Variants in MAN2A1 observed in about 807,000 individuals in gnomAD.
MAN2A1 encodes the protein alpha-mannosidase 2.
Under a neutral mutation model 142.6 loss-of-function variants are expected in MAN2A1, and 76 were observed. That is an observed-to-expected ratio of 0.53 (90% confidence interval 0.44 to 0.65). The LOEUF (loss-of-function observed/expected upper bound fraction) is 0.65, where lower values mean the gene tolerates loss of function less well. Ranked by LOEUF, MAN2A1 falls within the 30% of genes least tolerant of loss-of-function variation. The pLI is 0.00. For synonymous variants in MAN2A1, 559 were observed against 473.2 expected, an observed-to-expected ratio of 1.18 and a Z score of -2.35; for missense variants, 1,311 against 1,365.1, an observed-to-expected ratio of 0.96 and a Z score of 0.62.
chr5:109,865,956 C>T (rs1385500808), intron 21 of MAN2A1, among the ~76,000 whole-genome samples: 1 of 152,142 alleles, frequency 6.6e-6, no homozygotes, highest in African/African-American at 2.4e-5. Context: ...AGCTTTCCTC[C>T]AAAACCTCAT....
At chr5:109,713,467 C>T (rs1382729160) in intron 1 of MAN2A1, 53 bp from the exon 2 acceptor site, 2 of 1,473,626 alleles carry the variant, frequency 1.4e-6, no homozygotes, top group Non-Finnish European at 9.1e-7. Flanking sequence ...GTGTATGCCT[C>T]AGCAGATCTA....
chr5:109,783,946 G>A (rs948798665), intron 9 of MAN2A1, among the ~76,000 whole-genome samples: 8 of 151,858 alleles, frequency 5.3e-5, no homozygotes, highest in Admixed American at 3.9e-4. Flanking sequence ...GTTCACTGCG[G>A]CCTCAAACTC....
At position 109,867,042 on chromosome 5, in the gene MAN2A1, C is replaced by G; in HGVS notation, c.*44C>G. ...GATTGAGAATCATTGGCTTTTATAC[C>G]TTTCTTGGTTTGACGTGCAATAAAG... is the stretch of plus-strand genomic sequence containing the variant. On this transcript the variant is annotated 3_prime_UTR_variant, in exon 22 of 22. Coordinates refer to ENST00000261483, the MANE Select transcript of MAN2A1 (RefSeq NM_002372.4). 1 of 1,549,188 alleles carries G rather than the reference C, an allele frequency of 6.5e-7. No individual in the cohort carries two copies. The highest frequency in any genetic ancestry group is 1.2e-5 in the South Asian group (1 of 80,988).
At chr5:109,747,185 A>G (rs188628472) in intron 4 of MAN2A1, among the ~76,000 whole-genome samples, 109 of 152,260 alleles carry the variant, frequency 7.2e-4, no homozygotes, top group African/African-American at 2.6e-3. Context: ...GCTGGATCAC[A>G]TAATAATTCT....
intron 1 of MAN2A1, among the ~76,000 whole-genome samples, chr5:109,707,190 C>T (rs1009041085): frequency 2.6e-5 from 4 of 152,166 alleles, no homozygotes; most frequent in African/African-American, 9.7e-5. Flanking sequence ...CCAAACAGCC[C>T]ATGAAAACCA....
chr5:109,726,096 C>G (rs529474409), intron 3 of MAN2A1, among the ~76,000 whole-genome samples: 1 of 152,010 alleles, frequency 6.6e-6, no homozygotes, highest in East Asian at 1.9e-4. Flanking sequence ...TTCTAGCCCT[C>G]GTTCAATTTT....
chr5:109,772,310 A>G (rs1461376432), intron 7 of MAN2A1, among the ~76,000 whole-genome samples: 1 of 151,890 alleles, frequency 6.6e-6, no homozygotes, highest in Non-Finnish European at 1.5e-5. Flanking sequence ...CAGAGCTTGC[A>G]GTGAGCCGAG....
Position 109,784,913 on chromosome 5 carries a change from G to A in MAN2A1, c.1747G>A (p.Asp583Asn). Residue 583 changes from aspartate to asparagine, a missense_variant, in exon 10 of 22, where the codon GAT becomes AAT. By Grantham distance (23) the Asp-to-Asn change is conservative. Around this residue, in one of 3 missense-constraint regions of MAN2A1, gnomAD observed 890 missense variants for 920.5 expected, o/e 0.97. Transcript: ENST00000261483. ...TGTAKDWVVVDYGTRLFHSLM... is the reference protein window; with the variant it reads ...TGTAKDWVVVNYGTRLFHSLM... ...AACTGCAAAAGACTGGGTGGTTGTG[G>A]ATTATGGTACCAGGTAATCTAATTA... 6.3e-7 allele frequency: 1 copy of A among 1,592,732 alleles called. No homozygotes were observed.
intron 8 of MAN2A1, among the ~76,000 whole-genome samples, chr5:109,779,471 C>G (rs1364839396): frequency 1.3e-5 from 2 of 151,978 alleles, no homozygotes; most frequent in East Asian, 3.9e-4. Flanking sequence ...TTTATACTTT[C>G]CTGAGCTCAT....
At chr5:109,840,294 C>A in intron 16 of MAN2A1, 1 of 307,460 alleles carries the variant, frequency 3.3e-6, no homozygotes, top group South Asian at 3.4e-5. Flanking sequence ...TGTTGAATTT[C>A]CTTCACTAAT....
intron 12 of MAN2A1, among the ~76,000 whole-genome samples, chr5:109,793,276 A>C (rs1012549342): frequency 2.0e-5 from 3 of 152,152 alleles, no homozygotes; most frequent in Non-Finnish European, 2.9e-5. Context: ...TATGGCTGGC[A>C]GTTAATGCTG....
intron 20 of MAN2A1, among the ~76,000 whole-genome samples, chr5:109,859,170 G>A (rs1234600103): frequency 1.3e-5 from 2 of 152,196 alleles, no homozygotes; most frequent in African/African-American, 4.8e-5. Context: ...ATCACCCAGT[G>A]GTAAATGGCA....
intron 21 of MAN2A1, among the ~76,000 whole-genome samples, chr5:109,865,721 C>T (rs143826635): frequency 1.1e-4 from 17 of 152,296 alleles, no homozygotes; most frequent in South Asian, 4.1e-4. Context: ...GTCAACACAC[C>T]GTGCAGGCCA....
chr5:109,775,396 T>C (rs949828681), intron 8 of MAN2A1, among the ~76,000 whole-genome samples: 1 of 152,140 alleles, frequency 6.6e-6, no homozygotes, highest in Non-Finnish European at 1.5e-5. Flanking sequence ...TGCAAACAAA[T>C]GTCCTATGTC....
intron 1 of MAN2A1, among the ~76,000 whole-genome samples, chr5:109,704,795 T>C (rs1751084257): frequency 6.6e-6 from 1 of 152,224 alleles, no homozygotes; most frequent in Non-Finnish European, 1.5e-5. Flanking sequence ...TTAGCTTTAA[T>C]GCGGCGCTTC....
chr5:109,734,855 G>T (rs1452795464), intron 4 of MAN2A1, among the ~76,000 whole-genome samples: 1 of 152,186 alleles, frequency 6.6e-6, no homozygotes, highest in Non-Finnish European at 1.5e-5. Context: ...CTGTTGATTT[G>T]GGGTGGAGAG....
At position 109,713,516 on chromosome 5, in the gene MAN2A1, G is replaced by T. The variant is rs1379556582; in HGVS notation, c.136-4G>T. 3 of 1,581,766 alleles carry T rather than the reference G, an allele frequency of 1.9e-6. No homozygotes were observed. Among genetic ancestry groups the T allele is most frequent in the African/African-American group, 2.7e-5 (2 of 73,198 alleles). On this transcript the variant is annotated splice_region_variant and splice_polypyrimidine_tract_variant and intron_variant, in intron 1 of 21. Coordinates refer to ENST00000261483, the MANE Select transcript of MAN2A1 (RefSeq NM_002372.4). Reference sequence around the variant, plus strand: ...TATAGCTGCCTTTTTCTTTTTTATTGTAGGGCCAGCTCTCAATGTTGCAAG... The same window carrying T: ...TATAGCTGCCTTTTTCTTTTTTATTTTAGGGCCAGCTCTCAATGTTGCAAG...
intron 7 of MAN2A1, among the ~76,000 whole-genome samples, chr5:109,773,820 T>C (rs973254512): frequency 5.3e-5 from 8 of 152,220 alleles, no homozygotes; most frequent in African/African-American, 1.9e-4. Flanking sequence ...AGTTTTTATA[T>C]TGTGAATTAG....
intron 21 of MAN2A1, chr5:109,865,484 A>G (rs1172047207): frequency 3.9e-6 from 1 of 257,338 alleles, no homozygotes; most frequent in Non-Finnish European, 7.6e-6. Flanking sequence ...CATATCATCT[A>G]GTTCAGCATT....
Sources: gnomAD v4.1 joint callset for allele counts (sites outside exome capture counted in the v4.1 genomes callset) on GRCh38, gnomAD v4.1.1 for gene constraint, gnomAD v4.1.1 regional missense constraint, MANE v1.5 for transcripts, NCBI Gene and HGNC (gene_info 2026-07-23, HGNC 2026-07-21) for gene names.